Variants in MMGT1 observed in about 807,000 individuals in gnomAD.
The protein encoded by MMGT1 is ER membrane protein complex subunit 5.
Under a neutral mutation model 11.7 loss-of-function variants are expected in MMGT1, and 2 were observed. The observed-to-expected ratio is 0.17, with a 90% CI of 0.07 to 0.54. The LOEUF is 0.54. MMGT1 is among the 20% of genes least tolerant of loss of function. The probability of loss-of-function intolerance (pLI) is 0.94; values close to 1 mark genes in which losing one functional copy is unlikely to be tolerated. For missense variants in MMGT1, 74 were observed against 109.0 expected (o/e 0.68, Z 1.43); for synonymous variants, 49 against 44.4 (o/e 1.10, Z -0.41).
chrX:135,971,667 G>C (rs1360030010), intron 1 of MMGT1, among the ~76,000 whole-genome samples: 14 of 112,166 alleles, frequency 1.2e-4, no homozygotes, highest in African/African-American at 4.2e-4. Flanking sequence ...AATAATACTG[G>C]TATGGAAATG....
At position 135,964,451 on chromosome X, in the gene MMGT1, T is replaced by C. The variant is rs1489067196; in HGVS notation, c.*573A>G. ...AATGATGAAACAAGACAGCTGATGGTAGAAGGTATATGGGAGCAGGGTAGG... is the reference window on the plus strand; with the variant it reads ...AATGATGAAACAAGACAGCTGATGGCAGAAGGTATATGGGAGCAGGGTAGG... On this transcript the variant is annotated 3_prime_UTR_variant, in exon 4 of 4. Transcript: ENST00000305963. 1 of 112,629 alleles carries C rather than the reference T, an allele frequency of 8.9e-6. No homozygotes were observed. The allele number at this position is 112,629 out of a possible 1,213,427, so 9.3% of individuals were successfully genotyped here. A position where few individuals can be genotyped will look rare whatever the true frequency, so the allele number is the denominator to read the frequency against.
At position 135,962,471 on chromosome X, in the gene MMGT1, C is replaced by A. The variant is rs1468637107; in HGVS notation, c.*2553G>T. 8.9e-6 allele frequency: 1 copy of A among 112,030 alleles called. No homozygotes were observed. Among genetic ancestry groups the A allele is most frequent in the Non-Finnish European group, 1.9e-5 (1 of 53,273 alleles). The allele number at this position is 112,030 out of a possible 1,213,427, so 9.2% of individuals were successfully genotyped here. ...AACTAGCTCACATCATATTTTTGAA[C>A]TACCCTAGGCAATAATTGACTGTCT... On this transcript the variant is annotated 3_prime_UTR_variant, in exon 4 of 4. Transcript: ENST00000305963.
rs1556611614 is a variant in MMGT1, at chrX:135,963,255, C to T, written c.*1769G>A. On this transcript the variant is annotated 3_prime_UTR_variant, in exon 4 of 4. Coordinates refer to ENST00000305963, the MANE Select transcript of MMGT1 (RefSeq NM_173470.3). The stretch of plus-strand genomic sequence containing the variant: ...ACAACTTTGTGAATACACTAAAAAC[C>T]ACTAAATTGTACCCTTAAAATAAGT... 9.0e-6 allele frequency: 1 copy of T among 111,130 alleles called. No homozygotes were observed. Among genetic ancestry groups the T allele is most frequent in the Non-Finnish European group, 1.9e-5 (1 of 52,996 alleles). The allele number at this position is 111,130 out of a possible 1,213,427, so 9.2% of individuals were successfully genotyped here.
rs1164346000 is a variant in MMGT1, at chrX:135,971,015, G to A, written c.132+43C>T. 2.1e-5 allele frequency: 20 copies of A among 945,692 alleles called. No individual in the cohort carries two copies. In the African/African-American group the frequency reaches 3.3e-4, roughly 16 times the overall value. The allele number at this position is 945,692 out of a possible 1,213,427, so 77.9% of individuals were successfully genotyped here. A position where few individuals can be genotyped will look rare whatever the true frequency, so the allele number is the denominator to read the frequency against. On this transcript the variant is annotated intron_variant, in intron 2 of 3. Coordinates refer to ENST00000305963, the MANE Select transcript of MMGT1 (RefSeq NM_173470.3). ...AAAAATTATTACAAGCTATGTGGCT[G>A]ATTTTAAACATACATGTAACGGAAT...
Position 135,973,672 on chromosome X carries a change from C to T in MMGT1, c.4G>A (p.Ala2Thr). 2.6e-6 allele frequency: 3 copies of T among 1,167,450 alleles called. No homozygotes were observed. The highest frequency in any genetic ancestry group is 3.4e-6 in the Non-Finnish European group (3 of 873,076). ...ACCAGCCCCTTCCACAGCGACGGCGCCATGATGCCGAAGGAGCAGCAGCCC... is the reference window on the plus strand; with the variant it reads ...ACCAGCCCCTTCCACAGCGACGGCGTCATGATGCCGAAGGAGCAGCAGCCC... M[A>T]PSLWKGLVGI... The change falls in exon 1 of 4, where the codon GCG becomes ACG. Residue 2 changes from alanine (A) to threonine (T), a missense_variant. Ala to Thr is a moderately conservative substitution (Grantham distance 58). Transcript: ENST00000305963.
rs2089158225 is a variant in MMGT1 at position 135,962,029 on chromosome X, T to A, written c.*2995A>T. ...GGACAGAAAAGCAGAAGAAATGAGA[T>A]TAAAAGTCCAAAAAAAAAAAGCCCA... On this transcript the variant is annotated 3_prime_UTR_variant, in exon 4 of 4. Transcript: ENST00000305963. The A allele has an allele frequency of 9.2e-6, 1 of 108,597 alleles. No individual in the cohort carries two copies. Among genetic ancestry groups the A allele is most frequent in the Admixed American group, 9.9e-5 (1 of 10,125 alleles). The allele number at this position is 108,597 out of a possible 1,213,427, so 8.9% of individuals were successfully genotyped here.
Position 135,963,166 on chromosome X carries a change from C to T in MMGT1, c.*1858G>A, listed in dbSNP as rs1211974308. ...TGGGAGAAAATGAGAGGTGACTGCT[C>T]AAGGGTACAGGGTTTCTTTTTGGGG... On this transcript the variant is annotated 3_prime_UTR_variant, in exon 4 of 4. Transcript: ENST00000305963. The T allele has an allele frequency of 9.0e-6, 1 of 111,208 alleles. No individual in the cohort carries two copies. Among genetic ancestry groups the T allele is most frequent in the Admixed American group, 9.6e-5 (1 of 10,427 alleles). 9.2% of individuals were successfully genotyped at this position (111,208 alleles called of 1,213,427 possible). A position where few individuals can be genotyped will look rare whatever the true frequency, so the allele number is the denominator to read the frequency against.
chrX:135,971,968 A>ATTT (rs1366715595), intron 1 of MMGT1, among the ~76,000 whole-genome samples: 7 of 112,077 alleles, frequency 6.2e-5, no homozygotes, highest in Non-Finnish European at 1.3e-4. Flanking sequence ...TACAGTATCT[A>ATTT]TTTTTTTCAT....
At chrX:135,968,587 A>G (rs782372510) in intron 2 of MMGT1, among the ~76,000 whole-genome samples, 44 of 104,876 alleles carry the variant, frequency 4.2e-4, no homozygotes, top group Non-Finnish European at 8.6e-4. Context: ...GCTGGAGTGC[A>G]GTGGTGCAAT....
chrX:135,966,422 C>T (rs1478600105), intron 3 of MMGT1, among the ~76,000 whole-genome samples: 2 of 111,329 alleles, frequency 1.8e-5, no homozygotes, highest in Non-Finnish European at 3.8e-5. Context: ...GGTGAAACCC[C>T]GTCTCTACTA....
Position 135,973,699 on chromosome X carries a change from G to A in MMGT1, c.-24C>T, listed in dbSNP as rs782777857. 30 of 1,165,602 alleles carry A rather than the reference G, an allele frequency of 2.6e-5. No homozygotes were observed. In the African/African-American group the frequency reaches 5.2e-4, roughly 20 times the overall value. Reference sequence around the variant, plus strand: ...ATGATGCCGAAGGAGCAGCAGCCCAGCAAAAGAAGCGAAGGACGGCGGAGC... The same window carrying A: ...ATGATGCCGAAGGAGCAGCAGCCCAACAAAAGAAGCGAAGGACGGCGGAGC... On this transcript the variant is annotated 5_prime_UTR_variant, in exon 1 of 4. Coordinates refer to ENST00000305963, the MANE Select transcript of MMGT1 (RefSeq NM_173470.3).
Position 135,973,639 on chromosome X carries a change from C to A in MMGT1, c.37G>T (p.Gly13Cys). Residue 13 changes from glycine to cysteine, a missense_variant, in exon 1 of 4, where the codon GGT (glycine) becomes TGT (cysteine). By Grantham distance (159) the Gly-to-Cys change is radical. Coordinates refer to ENST00000305963, the MANE Select transcript of MMGT1 (RefSeq NM_173470.3). ...GCGGCGTGGGCTAGGGCAAAGAGAC[C>A]GATGCCCACCAGCCCCTTCCACAGC... The part of the protein sequence containing the change: ...PSLWKGLVGI[G>C]LFALAHAAFS... 1 of 1,167,189 alleles carries A rather than the reference C, an allele frequency of 8.6e-7. No homozygotes were observed. The highest frequency in any genetic ancestry group is 1.1e-6 in the Non-Finnish European group (1 of 872,950).
intron 1 of MMGT1, among the ~76,000 whole-genome samples, chrX:135,972,527 C>T (rs147276371): frequency 1.6e-3 from 181 of 112,092 alleles, no homozygotes; most frequent in African/African-American, 5.6e-3. Context: ...CTGCTTCTAA[C>T]ACTACCTTTA....
intron 2 of MMGT1, among the ~76,000 whole-genome samples, chrX:135,968,147 C>T (rs148272782): frequency 0.027 from 3,069 of 111,966 alleles, 45 homozygotes; most frequent in Non-Finnish European, 0.038. Flanking sequence ...CCACCACACC[C>T]AGCCAGTATT....
rs2089174659 is a variant in MMGT1, at chrX:135,964,618, T to C, written c.*406A>G. 1 of 115,350 alleles carries C rather than the reference T, an allele frequency of 8.7e-6. No individual in the cohort carries two copies. Among genetic ancestry groups the C allele is most frequent in the Non-Finnish European group, 1.8e-5 (1 of 55,230 alleles). The allele number at this position is 115,350 out of a possible 1,213,427, so 9.5% of individuals were successfully genotyped here. On this transcript the variant is annotated 3_prime_UTR_variant, in exon 4 of 4. Transcript: ENST00000305963. ...TGTTAAGAATTGAAGACCATTTTAC[T>C]ATAATTCATGCTGCAAAACACAGCA... is the stretch of plus-strand genomic sequence containing the variant.
rs782386786 is a variant in MMGT1 at position 135,962,738 on chromosome X, G to T, written c.*2286C>A. ...AGTCATTTGGCCTGATTTTTGGCCT[G>T]ATTTTTAGCCTGATTTTTAGCAGGA... On this transcript the variant is annotated 3_prime_UTR_variant, in exon 4 of 4. Coordinates refer to ENST00000305963, the MANE Select transcript of MMGT1 (RefSeq NM_173470.3). 1 of 112,298 alleles carries T rather than the reference G, an allele frequency of 8.9e-6. No individual in the cohort carries two copies. Among genetic ancestry groups the T allele is most frequent in the African/African-American group, 3.2e-5 (1 of 30,938 alleles). The allele number at this position is 112,298 out of a possible 1,213,427, so 9.3% of individuals were successfully genotyped here. A position where few individuals can be genotyped will look rare whatever the true frequency, so the allele number is the denominator to read the frequency against.
chrX:135,962,456 C>T lies in MMGT1; in HGVS notation c.*2568G>A. The T allele has an allele frequency of 8.9e-6, 1 of 112,079 alleles. No homozygotes were observed. The highest frequency in any genetic ancestry group is 3.7e-4 in the South Asian group (1 of 2,716). The allele number at this position is 112,079 out of a possible 1,213,427, so 9.2% of individuals were successfully genotyped here. A position where few individuals can be genotyped will look rare whatever the true frequency, so the allele number is the denominator to read the frequency against. ...GTCAAGCAAAGGCTTAACTAGCTCA[C>T]ATCATATTTTTGAACTACCCTAGGC... On this transcript the variant is annotated 3_prime_UTR_variant, in exon 4 of 4. Transcript: ENST00000305963.
chrX:135,971,739 G>A (rs1253438739), intron 1 of MMGT1, among the ~76,000 whole-genome samples: 1 of 111,880 alleles, frequency 8.9e-6, no homozygotes, highest in African/African-American at 3.3e-5. Context: ...ATCAATTTCT[G>A]CCTCTACTAG....
At position 135,962,039 on chromosome X, in the gene MMGT1, A is replaced by G. The variant is rs1556611467; in HGVS notation, c.*2985T>C. On this transcript the variant is annotated 3_prime_UTR_variant, in exon 4 of 4. Transcript: ENST00000305963. ...GCAGAAGAAATGAGATTAAAAGTCC[A>G]AAAAAAAAAAGCCCAAAAAACACTA... 9.7e-6 allele frequency: 1 copy of G among 103,235 alleles called. No homozygotes were observed. The highest frequency in any genetic ancestry group is 3.5e-5 in the African/African-American group (1 of 28,695). The allele number at this position is 103,235 out of a possible 1,213,427, so 8.5% of individuals were successfully genotyped here.
Sources: gnomAD v4.1 joint callset for allele counts (sites outside exome capture counted in the v4.1 genomes callset) on GRCh38, gnomAD v4.1.1 for gene constraint, MANE v1.5 for transcripts, NCBI Gene and HGNC (gene_info 2026-07-23, HGNC 2026-07-21) for gene names.